Variants in ICE2 observed in about 807,000 individuals in gnomAD.
The protein encoded by ICE2 is interactor of little elongation complex ELL subunit 2, also known as little elongation complex subunit 2.
A neutral mutation model predicts 105.4 loss-of-function variants in ICE2; 87 were observed. The ratio of observed to expected loss-of-function variants is 0.83; its 90% CI spans 0.69 to 0.99. The LOEUF is 0.99. Among genes scored for constraint, ICE2 ranks in the 50% least tolerant of loss-of-function variants. ICE2 has a pLI of 0.00. For missense variants in ICE2, 1,323 were observed against 1,146.7 expected (o/e 1.15, Z -2.22); for synonymous variants, 399 against 392.0 (o/e 1.02, Z -0.21).
intron 4 of ICE2, 46 bp from the exon 5 acceptor site, chr15:60,466,759 T>G (rs2064442781): frequency 6.8e-7 from 1 of 1,468,192 alleles, no homozygotes; most frequent in African/African-American, 1.4e-5. Context: ...AAAGTTTCAT[T>G]AAAAAGAATC....
Position 60,453,281 on chromosome 15 carries a change from A to C in ICE2, c.1125+322T>G, listed in dbSNP as rs541678671. On this transcript the variant is annotated intron_variant, in intron 9 of 15. Transcript: ENST00000261520. ...AATGAGACCAATTAAACAAAACCTC[A>C]TATTAACCACCACCATCAAGGAGTT... The C allele has an allele frequency of 7.6e-6, 8 of 1,058,212 alleles. No individual in the cohort carries two copies. In the East Asian group the frequency reaches 5.0e-4, roughly 66 times the overall value. The allele number at this position is 1,058,212 out of a possible 1,614,324, so 65.6% of individuals were successfully genotyped here. A position where few individuals can be genotyped will look rare whatever the true frequency, so the allele number is the denominator to read the frequency against.
At chr15:60,424,420 A>ATGGGCAAAGGGGAAGAGGGGGATTAGAT (rs56371232) in intron 15 of ICE2, among the ~76,000 whole-genome samples, 56 of 149,446 alleles carry the variant, frequency 3.7e-4, no homozygotes, top group Non-Finnish European at 8.9e-5. Context: ...AATACAGAGG[A>ATGGGCAAAGGGGAAGAGGGGGATTAGAT]TGGGGGAAGG....
At chr15:60,471,922 C>A (rs1335384045) in intron 3 of ICE2, among the ~76,000 whole-genome samples, 1 of 151,866 alleles carries the variant, frequency 6.6e-6, no homozygotes, top group Non-Finnish European at 1.5e-5. Flanking sequence ...CTACTAGTAT[C>A]TTCTGAGTTT....
intron 5 of ICE2, among the ~76,000 whole-genome samples, chr15:60,461,145 G>C (rs1214377725): frequency 6.6e-6 from 1 of 152,110 alleles, no homozygotes; most frequent in Non-Finnish European, 1.5e-5. Context: ...ACTGACTCCA[G>C]TCTGAGAATC....
In ICE2 at chr15:60,453,557, A is replaced by G. The variant is rs201570954; in HGVS notation, c.1125+46T>C. 2.1e-5 allele frequency: 33 copies of G among 1,594,030 alleles called. No individual in the cohort carries two copies. The Admixed American group carries it at 3.9e-4, about 19-fold the overall frequency. On this transcript the variant is annotated intron_variant, in intron 9 of 15. Coordinates refer to ENST00000261520, the MANE Select transcript of ICE2 (RefSeq NM_024611.6). Reference sequence around the variant, plus strand: ...CAATAAAACTTTATGCTTCAAAAGGATAAACAAGTACATTCCCCTTAGGGG... The same window carrying G: ...CAATAAAACTTTATGCTTCAAAAGGGTAAACAAGTACATTCCCCTTAGGGG...
chr15:60,466,763 A>C (rs563949000), intron 4 of ICE2, 50 bp from the exon 5 acceptor site: 5 of 1,433,718 alleles, frequency 3.5e-6, no homozygotes, highest in Non-Finnish European at 3.8e-6. Flanking sequence ...TTTCATTAAA[A>C]AGAATCACAT....
intron 14 of ICE2, among the ~76,000 whole-genome samples, chr15:60,430,797 A>G (rs775506794): frequency 1.3e-5 from 2 of 152,218 alleles, no homozygotes; most frequent in African/African-American, 2.4e-5. Context: ...TCATATAACA[A>G]AACAGTTTGG....
chr15:60,462,660 AAC>A (rs1312432540), intron 5 of ICE2, among the ~76,000 whole-genome samples: 2 of 152,154 alleles, frequency 1.3e-5, no homozygotes, highest in East Asian at 1.9e-4. Context: ...AGAAAAAATG[AAC>A]AGTCATTCTG....
chr15:60,442,619 C>CT, intron 11 of ICE2, 74 bp from the exon 12 acceptor site: 8 of 1,170,798 alleles, frequency 6.8e-6, no homozygotes, highest in Non-Finnish European at 9.6e-6. Context: ...GCCTATACAG[C>CT]TTTGCCACTT....
In ICE2 at chr15:60,423,049, AGAAGTC is replaced by A. The variant is rs1341270769; in HGVS notation, c.*579_*584del. ...TAAACAAACTGATGGTTGCCAAACAAGAAGTCAGTAATCTGACTTTTCAGAGGCAGG... is the reference window on the plus strand; with the variant it reads ...TAAACAAACTGATGGTTGCCAAACAAAGTAATCTGACTTTTCAGAGGCAGG... On this transcript the variant is annotated 3_prime_UTR_variant, in exon 16 of 16. Coordinates refer to ENST00000261520, the MANE Select transcript of ICE2 (RefSeq NM_024611.6). The A allele has an allele frequency of 5.9e-5, 9 of 152,756 alleles. No homozygotes were observed. The East Asian group carries it at 1.7e-3, about 29-fold the overall frequency. The allele number at this position is 152,756 out of a possible 1,614,324, so 9.5% of individuals were successfully genotyped here.
intron 8 of ICE2, 77 bp from the exon 9 acceptor site, chr15:60,453,861 T>A: frequency 1.8e-6 from 2 of 1,129,440 alleles, no homozygotes; most frequent in Non-Finnish European, 2.6e-6. Context: ...ATGTATGACA[T>A]GAGGATCACC....
intron 12 of ICE2, 66 bp downstream of exon 12, chr15:60,442,350 T>C (rs746652956): frequency 4.2e-6 from 6 of 1,413,452 alleles, no homozygotes; most frequent in South Asian, 2.5e-5. Context: ...GTATTCACAA[T>C]TGAATTTACA....
chr15:60,434,852 A>C (rs2063547618), intron 13 of ICE2, among the ~76,000 whole-genome samples: 1 of 152,354 alleles, frequency 6.6e-6, no homozygotes, highest in Admixed American at 6.5e-5. Context: ...ATTACAGTTC[A>C]TCATAATTTA....
At position 60,456,762 on chromosome 15, in the gene ICE2, T is replaced by C; in HGVS notation, c.561A>G (p.Lys187=). The C allele has an allele frequency of 1.3e-6, 2 of 1,523,334 alleles. No individual in the cohort carries two copies. Among genetic ancestry groups the C allele is most frequent in the South Asian group, 1.3e-5 (1 of 75,830 alleles). 94.4% of individuals were successfully genotyped at this position (1,523,334 alleles called of 1,614,324 possible). A position where few individuals can be genotyped will look rare whatever the true frequency, so the allele number is the denominator to read the frequency against. The part of the protein sequence containing the change: ...KILRACIEQV[K]KYSEFYTLHE... ...GGAGAGTATAGAATTCTGAATACTT[T>C]TTCACTTGTTCAATGCAAGCTCTTA... Residue 187 remains lysine, a synonymous_variant, in exon 6 of 16, where the codon AAA becomes AAG. Transcript: ENST00000261520.
At chr15:60,440,698 C>G (rs1038883941) in intron 12 of ICE2, 3 of 152,144 alleles carry the variant, frequency 2.0e-5, no homozygotes, top group African/African-American at 7.2e-5. Flanking sequence ...AAGTGATTTT[C>G]TTGAACATCT....
chr15:60,448,172 A>G, intron 10 of ICE2, 27 bp from the exon 11 acceptor site: 1 of 1,446,110 alleles, frequency 6.9e-7, no homozygotes, highest in Non-Finnish European at 9.6e-7. Context: ...TCTCATTTTT[A>G]AAATACATTA....
At chr15:60,444,682 CTTTATTATTATT>C (rs2063785434) in intron 11 of ICE2, among the ~76,000 whole-genome samples, 2 of 152,006 alleles carry the variant, frequency 1.3e-5, no homozygotes, top group Non-Finnish European at 1.5e-5. Context: ...AAATTAGCCT[CTTTATTATTATT>C]TTTTTTTGAG....
chr15:60,472,680 T>C (rs779626054), intron 3 of ICE2, among the ~76,000 whole-genome samples: 9 of 152,208 alleles, frequency 5.9e-5, no homozygotes, highest in Non-Finnish European at 1.0e-4. Context: ...TGAACAGAAG[T>C]GGACTTGAAA....
At position 60,432,648 on chromosome 15, in the gene ICE2, T is replaced by C. The variant is rs369286635; in HGVS notation, c.2511-664A>G. On this transcript the variant is annotated intron_variant, in intron 13 of 15. Coordinates refer to ENST00000261520, the MANE Select transcript of ICE2 (RefSeq NM_024611.6). The stretch of plus-strand genomic sequence containing the variant: ...TGGCTCACGCCTGTAATCCCAGCAC[T>C]CTGGGAGGCCAAGACGGGCAGATCA... Among the ~76,000 whole-genome samples the C allele has an allele frequency of 2.9e-4, 44 of 150,692 alleles. No individual in the cohort carries two copies. The South Asian group carries it at 8.2e-3, about 28-fold the overall frequency.
Sources: gnomAD v4.1 joint callset for allele counts (sites outside exome capture counted in the v4.1 genomes callset) on GRCh38, gnomAD v4.1.1 for gene constraint, MANE v1.5 for transcripts, NCBI Gene and HGNC (gene_info 2026-07-23, HGNC 2026-07-21) for gene names.